Variants in PITPNM2 observed in about 807,000 individuals in gnomAD.
PITPNM2 encodes the protein phosphatidylinositol transfer protein membrane associated 2, also known as membrane-associated phosphatidylinositol transfer protein 2.
A neutral mutation model predicts 132.2 loss-of-function variants in PITPNM2; 35 were observed. The observed-to-expected ratio is 0.26, with a 90% CI of 0.20 to 0.35. PITPNM2 has a LOEUF of 0.35. Ranked by LOEUF, PITPNM2 falls within the 10% of genes least tolerant of loss-of-function variation. The pLI is 1.00. For missense variants in PITPNM2, 1,332 were observed against 1,912.0 expected (o/e 0.70, Z 5.66); for synonymous variants, 738 against 799.2 (o/e 0.92, Z 1.29).
At chr12:123,135,761 T>G (rs1442316276) in intron 1 of PITPNM2, among the ~76,000 whole-genome samples, 4 of 152,134 alleles carry the variant, frequency 2.6e-5, no homozygotes, top group African/African-American at 9.7e-5. Context: ...GCAGTAGCTA[T>G]TAACAGGCGA....
At chr12:123,057,758 A>C (rs1247589998) in intron 2 of PITPNM2, among the ~76,000 whole-genome samples, 1 of 152,158 alleles carries the variant, frequency 6.6e-6, no homozygotes, top group Non-Finnish European at 1.5e-5. Context: ...GCCCACCCCT[A>C]GTTGAGGAAC....
At chr12:123,139,921 C>T (rs1054783897) in intron 1 of PITPNM2, among the ~76,000 whole-genome samples, 1 of 152,172 alleles carries the variant, frequency 6.6e-6, no homozygotes, top group African/African-American at 2.4e-5. Context: ...TTTCTTTCAT[C>T]CAGAGATTTA....
chr12:123,134,146 ACCTCCG>A (rs1036089737), intron 1 of PITPNM2, among the ~76,000 whole-genome samples: 5 of 152,088 alleles, frequency 3.3e-5, no homozygotes, highest in African/African-American at 1.2e-4. Context: ...GCTCACTGCA[ACCTCCG>A]CCTCTGGTTC....
intron 12 of PITPNM2, 67 bp from the exon 13 acceptor site, chr12:122,996,644 G>C: frequency 6.2e-7 from 1 of 1,611,042 alleles, no homozygotes; most frequent in African/African-American, 1.3e-5. Flanking sequence ...TGGGGAGGCC[G>C]TCACCTTCCC....
chr12:123,123,499 T>G (rs2043072059), intron 1 of PITPNM2, among the ~76,000 whole-genome samples: 1 of 152,040 alleles, frequency 6.6e-6, no homozygotes, highest in Admixed American at 6.6e-5. Flanking sequence ...TAGTCCCAGC[T>G]ACTCAAGAGG....
intron 2 of PITPNM2, among the ~76,000 whole-genome samples, chr12:123,093,807 C>T (rs955053630): frequency 1.3e-5 from 2 of 152,394 alleles, no homozygotes; most frequent in South Asian, 4.1e-4. Context: ...AAGACACCAA[C>T]ATTCAGTTGG....
intron 3 of PITPNM2, among the ~76,000 whole-genome samples, chr12:123,030,308 A>T (rs1358827953): frequency 6.6e-6 from 1 of 152,210 alleles, no homozygotes; most frequent in African/African-American, 2.4e-5. Flanking sequence ...CACTGTGGAA[A>T]ACAGTCTGGT....
intron 2 of PITPNM2, among the ~76,000 whole-genome samples, chr12:123,055,891 GAC>G (rs34425339): frequency 0.046 from 6,814 of 148,524 alleles, 513 homozygotes; most frequent in African/African-American, 0.16. Context: ...ATAGTTTGAA[GAC>G]ACACACACAC....
intron 1 of PITPNM2, among the ~76,000 whole-genome samples, chr12:123,143,108 C>T (rs898813931): frequency 2.0e-5 from 3 of 151,864 alleles, no homozygotes; most frequent in African/African-American, 7.3e-5. Context: ...CCCTGACACA[C>T]CCATCCCTAT....
rs145888146 is a variant in PITPNM2, at chr12:123,046,277, A to AC, written c.-95-11593dup. Among the ~76,000 whole-genome samples the AC allele has an allele frequency of 9.1e-3, 1,383 of 151,200 alleles. 23 individuals carry two copies. The highest frequency in any genetic ancestry group is 0.031 in the African/African-American group (1,295 of 41,150). On this transcript the variant is annotated intron_variant, in intron 2 of 25. Transcript: ENST00000320201. ...CAGACCCCACATCCCAACAGCCCCC[A>AC]CCCTCTGGCAGGCACACTTGGCAAC...
intron 2 of PITPNM2, among the ~76,000 whole-genome samples, chr12:123,062,856 C>G (rs527942028): frequency 3.3e-5 from 5 of 152,148 alleles, no homozygotes; most frequent in Non-Finnish European, 7.3e-5. Context: ...CTGTGTGAAC[C>G]AACTGCATAT....
At chr12:123,042,348 C>T (rs2040513981) in intron 2 of PITPNM2, among the ~76,000 whole-genome samples, 1 of 152,192 alleles carries the variant, frequency 6.6e-6, no homozygotes. Context: ...ACGTGGACAG[C>T]TCCTTTAAGC....
chr12:123,127,088 A>C (rs2043154595), intron 1 of PITPNM2, among the ~76,000 whole-genome samples: 2 of 152,310 alleles, frequency 1.3e-5, no homozygotes, highest in South Asian at 2.1e-4. Context: ...ATCCCTCCTC[A>C]AGTCACATCC....
In PITPNM2 at chr12:122,994,707, G is replaced by T; in HGVS notation, c.2233+94C>A. 1 of 1,346,176 alleles carries T rather than the reference G, an allele frequency of 7.4e-7. No individual in the cohort carries two copies. The highest frequency in any genetic ancestry group is 9.9e-7 in the Non-Finnish European group (1 of 1,008,988). 83.4% of individuals were successfully genotyped at this position (1,346,176 alleles called of 1,614,324 possible). ...GGAAGGAGGGCAGAAACAGGCCTGG[G>T]ACGTGGCCATGATCTCATCACAGGG... On this transcript the variant is annotated intron_variant, in intron 15 of 25. Transcript: ENST00000320201. The surrounding 1 kb of genome is among the most constrained non-coding windows in gnomAD (Gnocchi z 5.4).
At chr12:123,142,628 C>A (rs2043528428) in intron 1 of PITPNM2, among the ~76,000 whole-genome samples, 1 of 152,186 alleles carries the variant, frequency 6.6e-6, no homozygotes, top group African/African-American at 2.4e-5. Context: ...CTGTCAGATG[C>A]ACAACACTGA....
At chr12:123,060,131 G>A (rs1284250327) in intron 2 of PITPNM2, among the ~76,000 whole-genome samples, 2 of 152,180 alleles carry the variant, frequency 1.3e-5, no homozygotes, top group Non-Finnish European at 2.9e-5. Context: ...CAAATCGAGG[G>A]TGAGTTTTCC....
intron 3 of PITPNM2, chr12:123,021,845 C>T (rs2039681904): frequency 5.8e-6 from 2 of 347,112 alleles, no homozygotes; most frequent in Non-Finnish European, 8.1e-6. Flanking sequence ...CATCATCTCC[C>T]CATCTGTAAG....
intron 1 of PITPNM2, among the ~76,000 whole-genome samples, chr12:123,112,683 G>T (rs748235191): frequency 1.3e-5 from 2 of 151,888 alleles, no homozygotes; most frequent in Non-Finnish European, 2.9e-5. Context: ...GGACTACGGC[G>T]ACTGCCACCA....
At chr12:123,034,283 CG>C in intron 3 of PITPNM2, 1 of 518,462 alleles carries the variant, frequency 1.9e-6, no homozygotes, top group Non-Finnish European at 3.4e-6. Flanking sequence ...GCGTTGTAGG[CG>C]GCGGGACACA....
Sources: gnomAD v4.1 joint callset for allele counts (sites outside exome capture counted in the v4.1 genomes callset) on GRCh38, gnomAD v4.1.1 for gene constraint, Gnocchi (gnomAD v3.1) non-coding constraint, MANE v1.5 for transcripts, NCBI Gene and HGNC (gene_info 2026-07-23, HGNC 2026-07-21) for gene names.